ZBTB38: variants seen among roughly 807,000 people sequenced by gnomAD.
ZBTB38 encodes zinc finger and BTB domain containing 38, also known as zinc finger and BTB domain-containing protein 38.
In ZBTB38, 20 loss-of-function variants were observed where a neutral mutation model predicts 76.8. The ratio of observed to expected loss-of-function variants is 0.26; its 90% CI spans 0.18 to 0.38. The LOEUF is 0.38. ZBTB38 is among the 10% of genes least tolerant of loss of function. ZBTB38 has a pLI of 1.00. For missense variants in ZBTB38, 1,082 were observed against 1,482.3 expected, an observed-to-expected ratio of 0.73 and a Z score of 4.43; for synonymous variants, 504 against 544.2, an observed-to-expected ratio of 0.93 and a Z score of 1.03.
At chr3:141,359,015 C>G (rs1442077759) in intron 1 of ZBTB38, among the ~76,000 whole-genome samples, 1 of 152,160 alleles carries the variant, frequency 6.6e-6, no homozygotes, top group Non-Finnish European at 1.5e-5. Context: ...CATATGAGTG[C>G]TCAGTAAGGA....
In ZBTB38 at chr3:141,448,843, G is replaced by C. The variant is rs894897505; in HGVS notation, c.*2867G>C. ...TACATTCCGTGGTACCTACTTACATGCTTAGGAGTCAAATGGATTATGACA... is the reference window on the plus strand; with the variant it reads ...TACATTCCGTGGTACCTACTTACATCCTTAGGAGTCAAATGGATTATGACA... On this transcript the variant is annotated 3_prime_UTR_variant, in exon 6 of 6. Transcript: ENST00000321464. The C allele has an allele frequency of 1.3e-5, 2 of 152,056 alleles. No individual in the cohort carries two copies. Among genetic ancestry groups the C allele is most frequent in the Non-Finnish European group, 2.9e-5 (2 of 68,038 alleles). 9.4% of individuals were successfully genotyped at this position (152,056 alleles called of 1,614,324 possible).
At chr3:141,367,214 A>G (rs1158238741), upstream of ZBTB38, 1 of 152,156 alleles carries the variant, frequency 6.6e-6, no homozygotes, top group African/African-American at 2.4e-5. Flanking sequence ...ACCTACATCC[A>G]TGAGGCCAGA....
At chr3:141,415,913 A>C (rs1456331540) in intron 5 of ZBTB38, among the ~76,000 whole-genome samples, 4 of 152,206 alleles carry the variant, frequency 2.6e-5, no homozygotes, top group South Asian at 2.1e-4. Context: ...TTTAGGGGAC[A>C]GAAAACCTTT....
Position 141,443,796 on chromosome 3 carries a change from G to T in ZBTB38, c.1408G>T (p.Val470Leu). 6.2e-7 allele frequency: 1 copy of T among 1,613,944 alleles called. No homozygotes were observed. The highest frequency in any genetic ancestry group is 8.5e-7 in the Non-Finnish European group (1 of 1,180,036). The change falls in exon 6 of 6, where the codon GTG becomes TTG. Residue 470 changes from valine (V) to leucine (L), a missense_variant. Val to Leu is a conservative substitution (Grantham distance 32). Coordinates refer to ENST00000321464, the MANE Select transcript of ZBTB38 (RefSeq NM_001376113.1). This position sits in a 1 kb window ranked among gnomAD's most constrained non-coding sequence, Gnocchi z 5.6. ...TTGCGTTGTGTGCAAACGTAGTTAT[G>T]TGACCTTATCTAGCCTCCGAAGACA... is the stretch of plus-strand genomic sequence containing the variant. ...YSCVVCKRSY[V>L]TLSSLRRHAN...
chr3:141,402,067 C>T (rs1243548728), intron 4 of ZBTB38, among the ~76,000 whole-genome samples: 1 of 152,248 alleles, frequency 6.6e-6, no homozygotes, highest in Admixed American at 6.5e-5. Context: ...GTCCTAACTG[C>T]GTTGTCCTTC....
At position 141,334,347 on chromosome 3, in the gene ZBTB38, C is replaced by A. The variant is rs372669103; in HGVS notation, c.-739+9891C>A. 3.0e-3 allele frequency among the ~76,000 whole-genome samples: 449 copies of A among 152,078 alleles called. 5 individuals are homozygous for A. The highest frequency in any genetic ancestry group is 1.0e-2 in the African/African-American group (413 of 41,460). ...AGGGGGGATGCTTTCAACATTAAATCGCCTCCCTGCCTTCCTTCTTTCCTC... is the reference window on the plus strand; with the variant it reads ...AGGGGGGATGCTTTCAACATTAAATAGCCTCCCTGCCTTCCTTCTTTCCTC... On this transcript the variant is annotated intron_variant, in intron 1 of 7. Coordinates refer to the ZBTB38 transcript ENST00000509842.
intron 4 of ZBTB38, chr3:141,388,012 G>A (rs994323760): frequency 1.3e-5 from 2 of 152,076 alleles, no homozygotes; most frequent in East Asian, 3.8e-4. Context: ...TTTTGGGGGA[G>A]GGTTTTTAAT....
chr3:141,361,526 C>T (rs963060494), intron 1 of ZBTB38, among the ~76,000 whole-genome samples: 22 of 152,152 alleles, frequency 1.4e-4, no homozygotes, highest in African/African-American at 5.3e-4. Context: ...CAAGGACTTG[C>T]GTCTGACCCA....
intron 5 of ZBTB38, among the ~76,000 whole-genome samples, chr3:141,431,341 A>ATAT (rs1553771300): frequency 9.4e-4 from 97 of 103,188 alleles, no homozygotes; most frequent in Non-Finnish European, 1.2e-3. Flanking sequence ...AAAAAAAAAA[A>ATAT]ATATATATAT....
intron 5 of ZBTB38, among the ~76,000 whole-genome samples, chr3:141,414,594 G>A (rs374053925): frequency 1.3e-5 from 2 of 152,330 alleles, no homozygotes; most frequent in Middle Eastern, 3.4e-3. Flanking sequence ...CCCTGACTAA[G>A]TTGCCCAGTG....
At chr3:141,364,569 C>T (rs939732306), upstream of ZBTB38, among the ~76,000 whole-genome samples, 125 of 148,352 alleles carry the variant, frequency 8.4e-4, no homozygotes, top group African/African-American at 2.9e-3. Flanking sequence ...CCCAGCTACT[C>T]GGGAGGCTGA....
rs916857609 is a variant in ZBTB38 at position 141,426,042 on chromosome 3, T to G, written c.1-16347T>G. The G allele has an allele frequency of 4.8e-5, 43 of 888,194 alleles. No individual in the cohort carries two copies. In the Admixed American group the frequency reaches 1.0e-3, roughly 21 times the overall value. The allele number at this position is 888,194 out of a possible 1,614,324, so 55.0% of individuals were successfully genotyped here. On this transcript the variant is annotated intron_variant, in intron 5 of 5. Transcript: ENST00000321464. Reference sequence around the variant, plus strand: ...AGCTTGGATGACATATGTAGGTGACTTCCTCCTGTCAAATGATGTCACAAT... The same window carrying G: ...AGCTTGGATGACATATGTAGGTGACGTCCTCCTGTCAAATGATGTCACAAT...
intron 5 of ZBTB38, among the ~76,000 whole-genome samples, chr3:141,434,544 A>G (rs2078315570): frequency 6.6e-6 from 1 of 152,164 alleles, no homozygotes; most frequent in African/African-American, 2.4e-5. Flanking sequence ...AGGAAATTCT[A>G]AAAAGCAAGT....
chr3:141,377,535 CTGTT>C (rs201732907), intron 2 of ZBTB38, among the ~76,000 whole-genome samples: 1,549 of 152,324 alleles, frequency 0.01, 15 homozygotes, highest in Middle Eastern at 0.027. Flanking sequence ...CTCTAGGAAA[CTGTT>C]TGGCAGTTTC....
chr3:141,345,410 T>A (rs1576655526), intron 1 of ZBTB38, among the ~76,000 whole-genome samples: 1 of 151,982 alleles, frequency 6.6e-6, no homozygotes, highest in Admixed American at 6.6e-5. Context: ...TGGGAACAGG[T>A]GAGCTCTGGC....
chr3:141,388,666 T>C (rs929529725), intron 4 of ZBTB38: 4 of 152,222 alleles, frequency 2.6e-5, no homozygotes, highest in African/African-American at 7.2e-5. Context: ...ATAACAGATA[T>C]GCAAAAGAAT....
At position 141,439,402 on chromosome 3, in the gene ZBTB38, T is replaced by C. The variant is rs138931465; in HGVS notation, c.1-2987T>C. Among the ~76,000 whole-genome samples, 636 of 152,372 alleles carry C rather than the reference T, an allele frequency of 4.2e-3. 6 individuals carry two copies. The highest frequency in any genetic ancestry group is 0.024 in the South Asian group (118 of 4,828). ...AATGTCATGCTTGGATTTTGCAAAG[T>C]TATGACAATATTTTAATGACATATA... On this transcript the variant is annotated intron_variant, in intron 5 of 5. Transcript: ENST00000321464.
At position 141,448,534 on chromosome 3, in the gene ZBTB38, C is replaced by G. The variant is rs752318765; in HGVS notation, c.*2558C>G. ...AATTAAAGTAAGTGTAAACAGTGAA[C>G]ATACTGTATGCTGTACAAGATATAA... On this transcript the variant is annotated 3_prime_UTR_variant, in exon 6 of 6. Coordinates refer to ENST00000321464, the MANE Select transcript of ZBTB38 (RefSeq NM_001376113.1). 2.0e-5 allele frequency: 3 copies of G among 152,478 alleles called. No homozygotes were observed. The highest frequency in any genetic ancestry group is 1.3e-4 in the Admixed American group (2 of 15,276). The allele number at this position is 152,478 out of a possible 1,614,324, so 9.4% of individuals were successfully genotyped here.
intron 5 of ZBTB38, among the ~76,000 whole-genome samples, chr3:141,438,940 A>G (rs1223855672): frequency 3.3e-5 from 5 of 150,942 alleles, no homozygotes; most frequent in Non-Finnish European, 7.4e-5. Flanking sequence ...AGCCCCTGAG[A>G]ACAGTACCCA....
Sources: gnomAD v4.1 joint callset for allele counts (sites outside exome capture counted in the v4.1 genomes callset) on GRCh38, gnomAD v4.1.1 for gene constraint, Gnocchi (gnomAD v3.1) non-coding constraint, MANE v1.5 for transcripts, NCBI Gene and HGNC (gene_info 2026-07-23, HGNC 2026-07-21) for gene names.